JAZF1: variants seen among roughly 807,000 people sequenced by gnomAD.
JAZF1 encodes juxtaposed with another zinc finger protein 1.
JAZF1 carries 8 observed loss-of-function variants against 26.4 expected under a neutral mutation model. The ratio of observed to expected loss-of-function variants is 0.30; its 90% CI spans 0.18 to 0.55. The LOEUF (loss-of-function observed/expected upper bound fraction) is 0.55, where lower values mean the gene tolerates loss of function less well. Ranked by LOEUF, JAZF1 falls within the 20% of genes least tolerant of loss-of-function variation. The pLI is 0.94. For synonymous variants in JAZF1, 126 were observed against 122.3 expected (o/e 1.03, Z -0.20); for missense variants, 199 against 322.0 (o/e 0.62, Z 2.92).
intron 1 of JAZF1, among the ~76,000 whole-genome samples, chr7:28,033,359 G>A (rs539985490): frequency 6.6e-6 from 1 of 152,316 alleles, no homozygotes; most frequent in East Asian, 1.9e-4. Flanking sequence ...AATGGCACGA[G>A]GGCTGGAATG....
At chr7:28,178,459 T>C (rs945700967) in intron 1 of JAZF1, among the ~76,000 whole-genome samples, 2 of 152,188 alleles carry the variant, frequency 1.3e-5, no homozygotes, top group Admixed American at 1.3e-4. Flanking sequence ...TTAGCGAGAA[T>C]GGATGGGATA....
intron 2 of JAZF1, among the ~76,000 whole-genome samples, chr7:27,987,097 C>T (rs1392997091): frequency 8.5e-5 from 13 of 152,118 alleles, no homozygotes; most frequent in African/African-American, 1.9e-4. Flanking sequence ...AAGTGAGGAG[C>T]GTCTCTGCCT....
chr7:27,906,198 A>G (rs566068240), intron 2 of JAZF1, among the ~76,000 whole-genome samples: 77 of 152,278 alleles, frequency 5.1e-4, no homozygotes, highest in Non-Finnish European at 1.0e-4. Context: ...GGTGGTGAGC[A>G]AGAGCTGAGT....
intron 1 of JAZF1, among the ~76,000 whole-genome samples, chr7:27,995,902 A>G (rs1786005531): frequency 6.6e-6 from 1 of 152,168 alleles, no homozygotes; most frequent in African/African-American, 2.4e-5. Context: ...CAGATAGCAG[A>G]AATAAGGAAA....
At chr7:28,017,560 AG>A (rs1782917570) in intron 1 of JAZF1, among the ~76,000 whole-genome samples, 1 of 152,166 alleles carries the variant, frequency 6.6e-6, no homozygotes, top group Admixed American at 6.5e-5. Context: ...CTGGGTGCAA[AG>A]GGAAGTCAGG....
intron 1 of JAZF1, among the ~76,000 whole-genome samples, chr7:28,138,468 C>A (rs1782917744): frequency 6.6e-6 from 1 of 152,206 alleles, no homozygotes; most frequent in Non-Finnish European, 1.5e-5. Flanking sequence ...AGTTGCTATG[C>A]CTTCCTTCCC....
chr7:27,990,562 T>C (rs1021775351), intron 2 of JAZF1, among the ~76,000 whole-genome samples: 3 of 152,208 alleles, frequency 2.0e-5, no homozygotes, highest in African/African-American at 7.2e-5. Context: ...TTACACAGAT[T>C]TGTATATACA....
At chr7:27,981,458 G>C (rs1050595950) in intron 2 of JAZF1, among the ~76,000 whole-genome samples, 10 of 152,190 alleles carry the variant, frequency 6.6e-5, no homozygotes, top group Non-Finnish European at 1.3e-4. Context: ...ACCACCTGGA[G>C]AAATCTGAAT....
intron 1 of JAZF1, among the ~76,000 whole-genome samples, chr7:28,167,560 T>C (rs1401381727): frequency 6.6e-6 from 1 of 152,184 alleles, no homozygotes; most frequent in African/African-American, 2.4e-5. Context: ...AAAATTTTCA[T>C]CGACAGAATT....
At chr7:27,852,186 C>T (rs1007319968) in intron 3 of JAZF1, among the ~76,000 whole-genome samples, 3 of 150,296 alleles carry the variant, frequency 2.0e-5, no homozygotes, top group African/African-American at 7.4e-5. Context: ...GGCTGGAGTG[C>T]AGTGGAGCGA....
At chr7:27,867,952 C>T (rs1000655662) in intron 3 of JAZF1, among the ~76,000 whole-genome samples, 1 of 152,264 alleles carries the variant, frequency 6.6e-6, no homozygotes, top group East Asian at 1.9e-4. Context: ...CGCAGGATCT[C>T]GCCTGGTCAT....
At position 27,980,785 on chromosome 7, in the gene JAZF1, C is replaced by T. The variant is rs1049331517; in HGVS notation, c.188+11124G>A. 5.4e-5 allele frequency among the ~76,000 whole-genome samples: 8 copies of T among 149,172 alleles called. No individual in the cohort carries two copies. The East Asian group carries it at 1.4e-3, about 25-fold the overall frequency. ...TCATATTTAGCCTACTGTTGTCAAGCCGATTTTCTTTCACATGACTTAACC... is the reference window on the plus strand; with the variant it reads ...TCATATTTAGCCTACTGTTGTCAAGTCGATTTTCTTTCACATGACTTAACC... On this transcript the variant is annotated intron_variant, in intron 2 of 4. Transcript: ENST00000283928.
chr7:27,871,229 T>G (rs557805068), intron 3 of JAZF1, among the ~76,000 whole-genome samples: 178 of 152,312 alleles, frequency 1.2e-3, no homozygotes, highest in African/African-American at 4.2e-3. Flanking sequence ...ATTTTTCAAA[T>G]CAATCTTGAT....
intron 2 of JAZF1, among the ~76,000 whole-genome samples, chr7:27,965,887 G>A (rs1207598039): frequency 2.0e-5 from 3 of 152,060 alleles, no homozygotes; most frequent in Non-Finnish European, 4.4e-5. Flanking sequence ...ATAGAGATAC[G>A]ACTACATGAA....
In JAZF1 at chr7:28,179,691, G is replaced by A. The variant is rs3735567; in HGVS notation, c.115+772C>T. Among the ~76,000 whole-genome samples the A allele has an allele frequency of 0.016, 2,368 of 148,320 alleles. 128 individuals are homozygous for A. In the East Asian group the frequency reaches 0.22, roughly 14 times the overall value. ...CGCCCGGGCGTCCGCGCCAGGCCGGGGCAGGGGAGGGCACCCAGAGCCCCC... is the reference window on the plus strand; with the variant it reads ...CGCCCGGGCGTCCGCGCCAGGCCGGAGCAGGGGAGGGCACCCAGAGCCCCC... On this transcript the variant is annotated intron_variant, in intron 1 of 4. Coordinates refer to ENST00000283928, the MANE Select transcript of JAZF1 (RefSeq NM_175061.4).
chr7:28,011,506 A>C (rs1782797930), intron 1 of JAZF1, among the ~76,000 whole-genome samples: 2 of 152,174 alleles, frequency 1.3e-5, no homozygotes, highest in Admixed American at 1.3e-4. Context: ...ATTACAAGTG[A>C]GGAGGAAGAA....
chr7:27,895,929 T>C (rs73086162), intron 2 of JAZF1, among the ~76,000 whole-genome samples: 1 of 152,316 alleles, frequency 6.6e-6, no homozygotes, highest in Non-Finnish European at 1.5e-5. Context: ...CATATTGTTA[T>C]TTGGGTTTAA....
intron 2 of JAZF1, among the ~76,000 whole-genome samples, chr7:27,976,385 T>C (rs1409810365): frequency 7.5e-6 from 1 of 132,624 alleles, no homozygotes; most frequent in Non-Finnish European, 1.8e-5. Flanking sequence ...ATGGTCTTTC[T>C]GGAACACAAT....
chr7:28,131,407 A>G (rs1782791509), intron 1 of JAZF1, among the ~76,000 whole-genome samples: 1 of 152,196 alleles, frequency 6.6e-6, no homozygotes, highest in Non-Finnish European at 1.5e-5. Context: ...AAGATTCTCA[A>G]TCCCTTTCCA....
Sources: gnomAD v4.1 joint callset for allele counts (sites outside exome capture counted in the v4.1 genomes callset) on GRCh38, gnomAD v4.1.1 for gene constraint, MANE v1.5 for transcripts, NCBI Gene and HGNC (gene_info 2026-07-23, HGNC 2026-07-21) for gene names.